PARD3B: variants seen among roughly 807,000 people sequenced by gnomAD.
The protein encoded by PARD3B is partitioning defective 3 homolog B.
PARD3B carries 103 observed loss-of-function variants against 130.2 expected under a neutral mutation model. The ratio of observed to expected loss-of-function variants is 0.79; its 90% CI spans 0.67 to 0.93. PARD3B has a LOEUF of 0.93. Among genes scored for constraint, PARD3B ranks in the 40% least tolerant of loss-of-function variants. PARD3B has a pLI of 0.00. For missense variants in PARD3B, 1,609 were observed against 1,499.2 expected (o/e 1.07, Z -1.21); for synonymous variants, 583 against 553.2 (o/e 1.05, Z -0.76).
intron 16 of PARD3B, among the ~76,000 whole-genome samples, chr2:205,279,019 C>T (rs1345921036): frequency 1.7e-5 from 2 of 118,114 alleles, no homozygotes; most frequent in Admixed American, 2.5e-4. Flanking sequence ...TGCAGTGAGC[C>T]AAGATCGTAC....
chr2:205,222,722 G>T (rs2038307907), intron 15 of PARD3B, among the ~76,000 whole-genome samples: 1 of 152,164 alleles, frequency 6.6e-6, no homozygotes, highest in African/African-American at 2.4e-5. Context: ...AGAAATATTT[G>T]TCAAAGGTCT....
chr2:205,596,574 G>A (rs538975444), intron 22 of PARD3B, among the ~76,000 whole-genome samples: 2 of 152,142 alleles, frequency 1.3e-5, no homozygotes, highest in Admixed American at 1.3e-4. Context: ...ATTATCATGG[G>A]GTGCTTAGAT....
chr2:205,049,735 A>G (rs1042343236), intron 4 of PARD3B, among the ~76,000 whole-genome samples: 3 of 152,164 alleles, frequency 2.0e-5, no homozygotes, highest in African/African-American at 7.2e-5. Flanking sequence ...TATTACTAGC[A>G]AAGATGCATC....
intron 16 of PARD3B, 136 bp downstream of exon 16, chr2:205,245,958 C>G: frequency 3.0e-6 from 2 of 673,046 alleles, no homozygotes; most frequent in South Asian, 4.4e-5. Flanking sequence ...TCTCTGACTT[C>G]CACAAAGATG....
At chr2:204,984,911 C>A (rs77803211) in intron 3 of PARD3B, among the ~76,000 whole-genome samples, 5,480 of 151,846 alleles carry the variant, frequency 0.036, 119 homozygotes, top group Middle Eastern at 0.051. Flanking sequence ...CACTGCCCAC[C>A]CCCCCGCACC....
intron 1 of PARD3B, among the ~76,000 whole-genome samples, chr2:204,558,812 C>A (rs1264806500): frequency 1.3e-5 from 2 of 152,096 alleles, no homozygotes; most frequent in Non-Finnish European, 2.9e-5. Context: ...CTACAGTAAC[C>A]AAAACAGTAT....
intron 16 of PARD3B, among the ~76,000 whole-genome samples, chr2:205,248,421 A>G (rs534858785): frequency 4.6e-4 from 67 of 144,650 alleles, no homozygotes; most frequent in African/African-American, 7.9e-4. Flanking sequence ...TGGTGGCGGC[A>G]GCAGCAGCAG....
chr2:204,977,653 CA>C (rs966038808), intron 3 of PARD3B, among the ~76,000 whole-genome samples: 15 of 150,354 alleles, frequency 1.0e-4, no homozygotes, highest in African/African-American at 7.3e-5. Flanking sequence ...GCTAAAAATA[CA>C]AAAAAAAATT....
At chr2:204,719,872 G>A (rs2038914648) in intron 2 of PARD3B, among the ~76,000 whole-genome samples, 2 of 152,098 alleles carry the variant, frequency 1.3e-5, no homozygotes, top group South Asian at 2.1e-4. Flanking sequence ...CAGGTAAATC[G>A]AACTATTTAA....
chr2:205,423,231 C>T (rs1227651539), intron 19 of PARD3B, among the ~76,000 whole-genome samples: 1 of 152,118 alleles, frequency 6.6e-6, no homozygotes, highest in Non-Finnish European at 1.5e-5. Flanking sequence ...AGTGCTGTGT[C>T]CTCAGTGTGC....
chr2:204,869,921 G>C (rs1173005000), intron 2 of PARD3B, among the ~76,000 whole-genome samples: 1 of 152,126 alleles, frequency 6.6e-6, no homozygotes, highest in East Asian at 1.9e-4. Flanking sequence ...GCAGGTGAGT[G>C]ATATCCAGTC....
At chr2:205,319,023 T>C (rs2042655697) in intron 18 of PARD3B, among the ~76,000 whole-genome samples, 1 of 152,144 alleles carries the variant, frequency 6.6e-6, no homozygotes, top group South Asian at 2.1e-4. Context: ...TTTCCCTTCC[T>C]CTCATATCCT....
rs2055467307 is a variant in PARD3B at position 205,617,317 on chromosome 2, C to T, written c.*1504C>T. 1.3e-5 allele frequency: 2 copies of T among 152,172 alleles called. No individual in the cohort carries two copies. Among genetic ancestry groups the T allele is most frequent in the South Asian group, 4.1e-4 (2 of 4,820 alleles). 9.4% of individuals were successfully genotyped at this position (152,172 alleles called of 1,614,324 possible). Reference sequence around the variant, plus strand: ...GCACTGACATTTGAAATGCTTTAAGCCTTTTCACATTCCTTCTTTATTCCC... The same window carrying T: ...GCACTGACATTTGAAATGCTTTAAGTCTTTTCACATTCCTTCTTTATTCCC... On this transcript the variant is annotated 3_prime_UTR_variant, in exon 23 of 23. Coordinates refer to ENST00000406610, the MANE Select transcript of PARD3B (RefSeq NM_001302769.2).
intron 2 of PARD3B, among the ~76,000 whole-genome samples, chr2:204,913,476 G>A (rs180732275): frequency 5.9e-5 from 9 of 152,248 alleles, no homozygotes; most frequent in African/African-American, 1.7e-4. Context: ...CTGTAGTACC[G>A]CTAGCACTAC....
intron 3 of PARD3B, among the ~76,000 whole-genome samples, chr2:204,978,308 A>G (rs572276554): frequency 1.3e-5 from 2 of 152,356 alleles, no homozygotes; most frequent in South Asian, 2.1e-4. Flanking sequence ...AAATTAGCCA[A>G]CAGATAATTA....
intron 21 of PARD3B, among the ~76,000 whole-genome samples, chr2:205,517,694 C>A (rs559719406): frequency 3.3e-5 from 5 of 152,266 alleles, no homozygotes; most frequent in African/African-American, 1.2e-4. Context: ...AATTTGAGAT[C>A]TTTCTGACTT....
chr2:204,722,362 CTCA>C (rs2039035602), intron 2 of PARD3B, among the ~76,000 whole-genome samples: 1 of 152,154 alleles, frequency 6.6e-6, no homozygotes, highest in African/African-American at 2.4e-5. Context: ...ACTAGTTTAT[CTCA>C]TCATATCTGG....
intron 2 of PARD3B, among the ~76,000 whole-genome samples, chr2:204,772,334 C>G (rs755831823): frequency 3.1e-4 from 47 of 152,020 alleles, no homozygotes; most frequent in Non-Finnish European, 4.7e-4. Flanking sequence ...ACCACAGTAA[C>G]CAATTTACTG....
At chr2:204,715,217 C>T (rs907883362) in intron 2 of PARD3B, among the ~76,000 whole-genome samples, 2 of 152,028 alleles carry the variant, frequency 1.3e-5, no homozygotes, top group African/African-American at 4.8e-5. Context: ...AGTTATTACC[C>T]AATCACTTTT....
Sources: allele counts gnomAD v4.1 joint callset (sites outside exome capture counted in the v4.1 genomes callset), GRCh38; gene constraint gnomAD v4.1.1; transcripts MANE v1.5; gene names NCBI Gene and HGNC (gene_info 2026-07-23, HGNC 2026-07-21).